The following CATSPERQ variants were observed in gnomAD, a reference collection of about 807,000 sequenced individuals.
The protein encoded by CATSPERQ is cation channel sperm-associated auxiliary subunit theta.
At chr8:144,354,402 GC>G in the CATSPERQ span, 4 of 1,470,806 alleles carry the variant, frequency 2.7e-6, no homozygotes, top group Non-Finnish European at 3.7e-6. The surrounding 1 kb of genome is among the most constrained non-coding windows in gnomAD (Gnocchi z 4.6). Context: ...CCAAGGCTTG[GC>G]CCGGACTAGC....
chr8:144,354,302 G>T, the CATSPERQ span: 1 of 1,534,036 alleles, frequency 6.5e-7, no homozygotes, highest in Non-Finnish European at 8.7e-7. The surrounding 1 kb of genome is among the most constrained non-coding windows in gnomAD (Gnocchi z 4.6). Flanking sequence ...CCCTTCCACA[G>T]TGTGTCCAGG....
the CATSPERQ span, chr8:144,353,497 G>C: frequency 1.3e-6 from 2 of 1,535,694 alleles, no homozygotes; most frequent in Non-Finnish European, 1.7e-6. Context: ...TTGAGTTTCC[G>C]GGCGATGTAA....
the CATSPERQ span, chr8:144,354,867 G>A: frequency 6.3e-4 from 919 of 1,462,036 alleles, 4 homozygotes; most frequent in African/African-American, 9.6e-3. The surrounding 1 kb of genome is among the most constrained non-coding windows in gnomAD (Gnocchi z 4.6). Context: ...CTCCAGGGCT[G>A]CAGGCCCAGG....
the CATSPERQ span, chr8:144,354,476 C>T: frequency 1.5e-6 from 2 of 1,323,300 alleles, no homozygotes; most frequent in African/African-American, 3.1e-5. The surrounding 1 kb of genome is among the most constrained non-coding windows in gnomAD (Gnocchi z 4.6). Flanking sequence ...CCCAGGAGCA[C>T]CGGCCGGCCC....
At chr8:144,353,591 G>A in the CATSPERQ span, 16 of 1,478,938 alleles carry the variant, frequency 1.1e-5, no homozygotes, top group Non-Finnish European at 1.4e-5. Flanking sequence ...CCGTCCAGGC[G>A]TCTCCTTCCC....
At chr8:144,354,636 G>C in the CATSPERQ span, 1 of 1,525,194 alleles carries the variant, frequency 6.6e-7, no homozygotes, top group Admixed American at 2.0e-5. The surrounding 1 kb of genome is among the most constrained non-coding windows in gnomAD (Gnocchi z 4.6). Flanking sequence ...CCTGCTGCAC[G>C]AATGGGTAGA....
At chr8:144,354,578 AGCCCCGCCCCGCCCCGCCCC>A in the CATSPERQ span, 1 of 217,680 alleles carries the variant, frequency 4.6e-6, no homozygotes, top group Non-Finnish European at 7.1e-6. This position sits in a 1 kb window ranked among gnomAD's most constrained non-coding sequence, Gnocchi z 4.6. Context: ...CGCCCTTCCC[AGCCCCGCCCCGCCCCGCCCC>A]GCCCAGCCTC....
the CATSPERQ span, chr8:144,353,734 T>C: frequency 2.0e-6 from 3 of 1,531,488 alleles, no homozygotes; most frequent in Non-Finnish European, 2.6e-6. Flanking sequence ...CAGTGATCGG[T>C]GTCATCGTGT....
At chr8:144,353,556 G>T in the CATSPERQ span, 2 of 1,521,988 alleles carry the variant, frequency 1.3e-6, no homozygotes, top group African/African-American at 1.4e-5. Context: ...CTCAACTGGG[G>T]CCGGGACAGG....
At chr8:144,354,634 A>C in the CATSPERQ span, 16 of 1,515,908 alleles carry the variant, frequency 1.1e-5, no homozygotes, top group Non-Finnish European at 1.3e-5. The surrounding 1 kb of genome is among the most constrained non-coding windows in gnomAD (Gnocchi z 4.6). Flanking sequence ...CTCCTGCTGC[A>C]CGAATGGGTA....
chr8:144,353,941 C>T, the CATSPERQ span: 2 of 1,530,448 alleles, frequency 1.3e-6, no homozygotes, highest in Non-Finnish European at 1.7e-6. Flanking sequence ...GGCGCACCCT[C>T]CCGGCCCGTT....
At chr8:144,353,274 A>G in the CATSPERQ span, 3 of 1,437,004 alleles carry the variant, frequency 2.1e-6, no homozygotes, top group South Asian at 2.8e-5. Flanking sequence ...AGTGGGACTC[A>G]CATTTGATCT....
At chr8:144,354,388 G>C in the CATSPERQ span, 1 of 1,501,118 alleles carries the variant, frequency 6.7e-7, no homozygotes, top group South Asian at 1.2e-5. This position sits in a 1 kb window ranked among gnomAD's most constrained non-coding sequence, Gnocchi z 4.6. Context: ...CGGGGGTGGC[G>C]GTGCCAAGGC....
the CATSPERQ span, chr8:144,354,383 G>A: frequency 6.6e-6 from 10 of 1,505,258 alleles, no homozygotes; most frequent in Non-Finnish European, 7.1e-6. This position sits in a 1 kb window ranked among gnomAD's most constrained non-coding sequence, Gnocchi z 4.6. Flanking sequence ...GCAGCCGGGG[G>A]TGGCGGTGCC....
chr8:144,354,572 C>CCG, the CATSPERQ span: 8 of 776,382 alleles, frequency 1.0e-5, no homozygotes, highest in Non-Finnish European at 1.4e-5. This position sits in a 1 kb window ranked among gnomAD's most constrained non-coding sequence, Gnocchi z 4.6. Context: ...CCGCCCCGCC[C>CCG]TTCCCAGCCC....
At chr8:144,354,344 C>T in the CATSPERQ span, 4 of 1,532,152 alleles carry the variant, frequency 2.6e-6, no homozygotes, top group South Asian at 1.2e-5. This position sits in a 1 kb window ranked among gnomAD's most constrained non-coding sequence, Gnocchi z 4.6. Flanking sequence ...GGGGGTGGCG[C>T]GGCGCGTGAG....
chr8:144,354,261 CA>C, the CATSPERQ span: 31 of 1,536,950 alleles, frequency 2.0e-5, no homozygotes, highest in Admixed American at 3.9e-5. This position sits in a 1 kb window ranked among gnomAD's most constrained non-coding sequence, Gnocchi z 4.6. Context: ...TGAAGCTGAC[CA>C]GGACCACGCT....
At chr8:144,354,585 C>T in the CATSPERQ span, 5 of 1,044,604 alleles carry the variant, frequency 4.8e-6, no homozygotes, top group Non-Finnish European at 6.8e-6. The surrounding 1 kb of genome is among the most constrained non-coding windows in gnomAD (Gnocchi z 4.6). Context: ...CCCAGCCCCG[C>T]CCCGCCCCGC....
the CATSPERQ span, chr8:144,354,229 G>A: frequency 1.9e-6 from 3 of 1,545,250 alleles, no homozygotes; most frequent in South Asian, 1.2e-5. This position sits in a 1 kb window ranked among gnomAD's most constrained non-coding sequence, Gnocchi z 4.6. Context: ...GGGCCCAGGG[G>A]CTCACACCTC....
Sources: gnomAD v4.1 joint callset for allele counts on GRCh38, gnomAD v4.1.1 for gene constraint, Gnocchi (gnomAD v3.1) non-coding constraint, MANE v1.5 for transcripts, NCBI Gene and HGNC (gene_info 2026-07-23, HGNC 2026-07-21) for gene names.